Variants in AKAP1 observed in about 807,000 individuals in gnomAD.
AKAP1 encodes the protein A-kinase anchoring protein 1.
A neutral mutation model predicts 79.8 loss-of-function variants in AKAP1; 32 were observed. That is an observed-to-expected ratio of 0.40 (90% confidence interval 0.30 to 0.54). The LOEUF is 0.54. AKAP1 is among the 20% of genes least tolerant of loss of function. The pLI is 0.47. For synonymous variants in AKAP1, 416 were observed against 466.7 expected, an observed-to-expected ratio of 0.89 and a Z score of 1.40; for missense variants, 961 against 1,138.9, an observed-to-expected ratio of 0.84 and a Z score of 2.25.
rs376595434 is a variant in AKAP1 at position 57,086,617 on chromosome 17, A to G, written c.-25+1219A>G. ...AGGTTAACCTGGGTATCTTTCCCCT[A>G]CTGTAGTGCGCGTTACTTCGTGTTT... On this transcript the variant is annotated intron_variant, in intron 1 of 10. Coordinates refer to ENST00000337714, the MANE Select transcript of AKAP1 (RefSeq NM_003488.4). This position sits in a 1 kb window ranked among gnomAD's most constrained non-coding sequence, Gnocchi z 5.1. 8 of 340,954 alleles carry G rather than the reference A, an allele frequency of 2.3e-5. No individual in the cohort carries two copies. The highest frequency in any genetic ancestry group is 4.3e-5 in the Admixed American group (1 of 23,516). The allele number at this position is 340,954 out of a possible 1,614,324, so 21.1% of individuals were successfully genotyped here. A position where few individuals can be genotyped will look rare whatever the true frequency, so the allele number is the denominator to read the frequency against.
intron 1 of AKAP1, among the ~76,000 whole-genome samples, chr17:57,102,707 C>T (rs1597972365): frequency 6.6e-6 from 1 of 152,056 alleles, no homozygotes; most frequent in South Asian, 2.1e-4. Flanking sequence ...CTCCTGACCT[C>T]GTGATCCACC....
At chr17:57,101,281 C>T (rs1914492389) in intron 1 of AKAP1, among the ~76,000 whole-genome samples, 1 of 152,102 alleles carries the variant, frequency 6.6e-6, no homozygotes, top group Non-Finnish European at 1.5e-5. Context: ...TCACTGCAAC[C>T]TCCGCCTCCC....
chr17:57,091,819 C>T (rs759183707), intron 1 of AKAP1, among the ~76,000 whole-genome samples: 1 of 151,868 alleles, frequency 6.6e-6, no homozygotes, highest in Non-Finnish European at 1.5e-5. Flanking sequence ...CTCCCAAGTA[C>T]CCGGGACTAT....
intron 1 of AKAP1, among the ~76,000 whole-genome samples, chr17:57,090,400 C>T (rs1221429673): frequency 2.0e-5 from 3 of 151,918 alleles, no homozygotes; most frequent in Admixed American, 6.6e-5. Context: ...AAACAAGATC[C>T]GAGTAGAGTA....
chr17:57,094,115 A>G (rs2144647565), intron 1 of AKAP1: 2 of 151,994 alleles, frequency 1.3e-5, no homozygotes, highest in East Asian at 3.9e-4. Context: ...CAGTTCCCTG[A>G]CCACCTCGCA....
At position 57,120,474 on chromosome 17, in the gene AKAP1, G is replaced by A. The variant is rs1042613237; in HGVS notation, c.*150G>A. 2.8e-5 allele frequency: 18 copies of A among 631,644 alleles called. No homozygotes were observed. The South Asian group carries it at 3.4e-4, about 12-fold the overall frequency. 39.1% of individuals were successfully genotyped at this position (631,644 alleles called of 1,614,324 possible). On this transcript the variant is annotated 3_prime_UTR_variant, in exon 11 of 11. Transcript: ENST00000337714. ...TGTAGTCCTATTGAGAAGACATTTC[G>A]TCTCTGAGAAAAAAGGATGGAACTA...
intron 1 of AKAP1, among the ~76,000 whole-genome samples, chr17:57,099,905 G>A (rs1914377837): frequency 6.6e-6 from 1 of 152,154 alleles, no homozygotes; most frequent in African/African-American, 2.4e-5. Context: ...TTTGAGTGTT[G>A]GGTCTCTACC....
chr17:57,121,307 ATAAG>A lies in AKAP1; in HGVS notation c.*991_*994del, dbSNP rs926907604. The A allele has an allele frequency of 1.4e-4, 22 of 152,190 alleles. No individual in the cohort carries two copies. Among genetic ancestry groups the A allele is most frequent in the South Asian group, 4.2e-4 (2 of 4,818 alleles). 9.4% of individuals were successfully genotyped at this position (152,190 alleles called of 1,614,324 possible). A position where few individuals can be genotyped will look rare whatever the true frequency, so the allele number is the denominator to read the frequency against. ...GGCTTCAGCATTGTGCAGTTTAAAA[ATAAG>A]TAAGTAACTTACATAAATCTTCAAT... On this transcript the variant is annotated 3_prime_UTR_variant, in exon 11 of 11. Transcript: ENST00000337714.
intron 1 of AKAP1, among the ~76,000 whole-genome samples, chr17:57,099,258 C>T (rs2144676383): frequency 6.6e-6 from 1 of 152,112 alleles, no homozygotes; most frequent in African/African-American, 2.4e-5. Flanking sequence ...AACACATCTT[C>T]CACTCTGCTC....
chr17:57,119,530 A>G (rs898248658), intron 10 of AKAP1, among the ~76,000 whole-genome samples: 2 of 152,004 alleles, frequency 1.3e-5, no homozygotes, highest in African/African-American at 4.8e-5. Context: ...CCTGGCCAAC[A>G]TGGCGAAACC....
rs779696043 is a variant in AKAP1, at chr17:57,105,422, GCT to G, written c.-24-15_-24-14del. ...TGGCTCTGTAACATCCCTCCTCCCC[GCT>G]CTCCTGCTCTCCCCAGGTGTAATTA... is the stretch of plus-strand genomic sequence containing the variant. On this transcript the variant is annotated splice_polypyrimidine_tract_variant and intron_variant, in intron 1 of 10. Coordinates refer to ENST00000337714, the MANE Select transcript of AKAP1 (RefSeq NM_003488.4). 3 of 1,606,878 alleles carry G rather than the reference GCT, an allele frequency of 1.9e-6. No individual in the cohort carries two copies. Among genetic ancestry groups the G allele is most frequent in the African/African-American group, 2.7e-5 (2 of 74,294 alleles).
At chr17:57,116,028 C>G in intron 6 of AKAP1, 83 bp from the exon 7 acceptor site, 1 of 1,517,384 alleles carries the variant, frequency 6.6e-7, no homozygotes, top group Middle Eastern at 2.0e-4. Context: ...AGAGGTAACG[C>G]AGGGAGGTGG....
chr17:57,113,636 T>C (rs1597988106), intron 5 of AKAP1, among the ~76,000 whole-genome samples: 1 of 124,950 alleles, frequency 8.0e-6, no homozygotes, highest in South Asian at 2.7e-4. Context: ...AGAGTCTCAC[T>C]CTGTTGCCCA....
chr17:57,114,426 G>A lies in AKAP1; in HGVS notation c.2104-33G>A, dbSNP rs375380158. ...ATTCAAAGATGAGATAAGAAGGATTGTTTCAGTGACCGCTCCCCCTTCCCC... is the reference window on the plus strand; with the variant it reads ...ATTCAAAGATGAGATAAGAAGGATTATTTCAGTGACCGCTCCCCCTTCCCC... On this transcript the variant is annotated intron_variant, in intron 5 of 10. Transcript: ENST00000337714. 9.3e-5 allele frequency: 149 copies of A among 1,608,320 alleles called. No homozygotes were observed. The African/African-American group carries it at 1.9e-3, about 20-fold the overall frequency.
chr17:57,102,347 A>C (rs1020796633), intron 1 of AKAP1, among the ~76,000 whole-genome samples: 2 of 152,230 alleles, frequency 1.3e-5, no homozygotes, highest in African/African-American at 4.8e-5. Context: ...GGCTCTCCGG[A>C]AAGGTAGTAC....
chr17:57,114,664 G>T, intron 6 of AKAP1, 28 bp downstream of exon 6: 3 of 1,598,082 alleles, frequency 1.9e-6, no homozygotes, highest in Non-Finnish European at 2.6e-6. Flanking sequence ...GGGTCGGGAA[G>T]GGGGACCCCT....
chr17:57,116,968 A>G (rs768515780), intron 8 of AKAP1, 41 bp downstream of exon 8: 14 of 1,570,852 alleles, frequency 8.9e-6, no homozygotes, highest in South Asian at 2.2e-5. Context: ...TGTTGGGGAC[A>G]GTTGTTGAGA....
At chr17:57,112,439 T>C in intron 4 of AKAP1, 52 bp from the exon 5 acceptor site, 1 of 1,588,630 alleles carries the variant, frequency 6.3e-7, no homozygotes, top group East Asian at 2.2e-5. Flanking sequence ...TGAGTGTGGG[T>C]GTGAGTTTCC....
intron 1 of AKAP1, among the ~76,000 whole-genome samples, chr17:57,097,394 G>A (rs1226198966): frequency 6.6e-6 from 1 of 152,208 alleles, no homozygotes; most frequent in Non-Finnish European, 1.5e-5. Context: ...AAACATATTT[G>A]AATGAATGAG....
Sources: allele counts gnomAD v4.1 joint callset (sites outside exome capture counted in the v4.1 genomes callset), GRCh38; gene constraint gnomAD v4.1.1; non-coding constraint Gnocchi (gnomAD v3.1); transcripts MANE v1.5; gene names NCBI Gene and HGNC (gene_info 2026-07-23, HGNC 2026-07-21).